Variants in OCA2 observed in about 807,000 individuals in gnomAD.
The protein encoded by OCA2 is P protein.
In OCA2, 77 loss-of-function variants were observed where a neutral mutation model predicts 100.2. The ratio of observed to expected loss-of-function variants is 0.77; its 90% confidence interval spans 0.64 to 0.93. The LOEUF (loss-of-function observed/expected upper bound fraction) is 0.93. Among genes scored for constraint, OCA2 ranks in the 40% least tolerant of loss-of-function variants. The pLI is 0.00. For missense variants in OCA2, 1,062 were observed against 1,089.1 expected, an observed-to-expected ratio of 0.98 and a Z score of 0.35; for synonymous variants, 432 against 439.2, an observed-to-expected ratio of 0.98 and a Z score of 0.21.
chr15:27,929,831 T>TTTTTTTTTTTTTTTTTTTTTGAG (rs1343960106), intron 18 of OCA2, among the ~76,000 whole-genome samples: 5 of 150,818 alleles, frequency 3.3e-5, no homozygotes, highest in South Asian at 2.1e-4. Context: ...GGAAATATTT[T>TTTTTTTTTTTTTTTTTTTTTGAG]AAACAGACAC....
At chr15:27,954,967 C>A (rs930928878) in intron 17 of OCA2, among the ~76,000 whole-genome samples, 191 bp downstream of exon 17, 4 of 152,224 alleles carry the variant, frequency 2.6e-5, no homozygotes, top group Non-Finnish European at 5.9e-5. Context: ...CACATCCTCA[C>A]AAAATCAGCC....
intron 22 of OCA2, among the ~76,000 whole-genome samples, chr15:27,848,533 C>T (rs190800076): frequency 2.0e-4 from 30 of 152,308 alleles, no homozygotes; most frequent in African/African-American, 6.0e-4. Flanking sequence ...GTCGGGCCTG[C>T]ACATGAACAG....
chr15:27,956,426 C>T (rs1368968045), intron 16 of OCA2, among the ~76,000 whole-genome samples: 2 of 152,174 alleles, frequency 1.3e-5, no homozygotes, highest in African/African-American at 4.8e-5. Context: ...AACTGTGTGG[C>T]CTTGGGAAGC....
chr15:27,913,478 G>GCTCTCATGA (rs2038478471), intron 19 of OCA2, among the ~76,000 whole-genome samples: 1 of 151,886 alleles, frequency 6.6e-6, no homozygotes, highest in East Asian at 1.9e-4. Flanking sequence ...TGTCTTGCTT[G>GCTCTCATGA]CTCTCATTCA....
intron 19 of OCA2, among the ~76,000 whole-genome samples, chr15:27,914,210 C>A (rs1001301165): frequency 7.2e-5 from 11 of 151,832 alleles, no homozygotes. Flanking sequence ...AGGAGCATAC[C>A]TTAAAATAAT....
chr15:27,803,271 T>C (rs958653688), intron 23 of OCA2, among the ~76,000 whole-genome samples: 2 of 152,178 alleles, frequency 1.3e-5, no homozygotes, highest in Non-Finnish European at 2.9e-5. Flanking sequence ...TGAAGAGTTA[T>C]TTGTACACTC....
intron 14 of OCA2, among the ~76,000 whole-genome samples, chr15:27,967,404 A>G (rs971490684): frequency 6.6e-6 from 1 of 152,258 alleles, no homozygotes; most frequent in African/African-American, 2.4e-5. Context: ...AGGAAGAAAC[A>G]AAAACAGGCT....
intron 21 of OCA2, among the ~76,000 whole-genome samples, chr15:27,854,171 T>A (rs1276001800): frequency 6.6e-6 from 1 of 152,202 alleles, no homozygotes; most frequent in Non-Finnish European, 1.5e-5. Flanking sequence ...GAAGATCTTG[T>A]GTTTCTGCAT....
intron 4 of OCA2, among the ~76,000 whole-genome samples, chr15:28,026,579 G>A (rs891256870): frequency 9.2e-5 from 14 of 152,198 alleles, no homozygotes; most frequent in Non-Finnish European, 1.8e-4. Flanking sequence ...CAGCGATGTG[G>A]GGGATCTAGG....
chr15:27,813,145 C>G (rs2034146319), intron 23 of OCA2, among the ~76,000 whole-genome samples: 1 of 152,160 alleles, frequency 6.6e-6, no homozygotes. Context: ...CTGCAGGTCT[C>G]TGGGGGTGGC....
chr15:27,841,000 C>A (rs1027506657), intron 23 of OCA2, among the ~76,000 whole-genome samples: 6 of 152,168 alleles, frequency 3.9e-5, no homozygotes, highest in Non-Finnish European at 7.3e-5. Context: ...GATGAACAGT[C>A]TACAGACTGG....
At chr15:27,802,558 C>A (rs2033659790) in intron 23 of OCA2, among the ~76,000 whole-genome samples, 1 of 152,110 alleles carries the variant, frequency 6.6e-6, no homozygotes, top group African/African-American at 2.4e-5. Context: ...TTTTAATAAT[C>A]ATTATAAAGC....
intron 1 of OCA2, among the ~76,000 whole-genome samples, chr15:28,082,152 G>C (rs1011377587): frequency 6.6e-6 from 1 of 152,148 alleles, no homozygotes; most frequent in South Asian, 2.1e-4. Context: ...TGTCTAGCTA[G>C]AGGATTGTAA....
chr15:28,013,966 C>G (rs2042311837), intron 9 of OCA2, among the ~76,000 whole-genome samples: 1 of 152,156 alleles, frequency 6.6e-6, no homozygotes. Context: ...CTGGGGTCAT[C>G]ATTCCTCAGC....
chr15:27,906,867 C>T (rs1233820388), intron 19 of OCA2, among the ~76,000 whole-genome samples: 1 of 152,158 alleles, frequency 6.6e-6, no homozygotes, highest in East Asian at 1.9e-4. Context: ...TGGTGAGGGC[C>T]TCAGGCTGCT....
At chr15:27,934,853 T>C (rs1486510941) in intron 18 of OCA2, among the ~76,000 whole-genome samples, 2 of 152,216 alleles carry the variant, frequency 1.3e-5, no homozygotes, top group Non-Finnish European at 2.9e-5. Context: ...AATGAAGACC[T>C]TGTCCCTGCA....
intron 19 of OCA2, among the ~76,000 whole-genome samples, chr15:27,920,829 T>C (rs1014018830): frequency 6.6e-6 from 1 of 151,768 alleles, no homozygotes; most frequent in Non-Finnish European, 1.5e-5. Flanking sequence ...TGAGATGACA[T>C]AAAAATTACT....
At chr15:27,836,019 G>A (rs904057298) in intron 23 of OCA2, among the ~76,000 whole-genome samples, 2 of 152,112 alleles carry the variant, frequency 1.3e-5, no homozygotes, top group African/African-American at 4.8e-5. Context: ...AAGTATTTAC[G>A]GCTCTCGTGG....
chr15:27,983,567 C>A, intron 13 of OCA2, 84 bp from the exon 14 acceptor site: 3 of 1,498,446 alleles, frequency 2.0e-6, no homozygotes, highest in Non-Finnish European at 2.8e-6. Flanking sequence ...TTTTAAGGCG[C>A]TTGCTCGTAT....
Sources: allele counts gnomAD v4.1 joint callset (sites outside exome capture counted in the v4.1 genomes callset), GRCh38; gene constraint gnomAD v4.1.1; transcripts MANE v1.5; gene names NCBI Gene and HGNC (gene_info 2026-07-23, HGNC 2026-07-21).